The following PHACTR2 variants were observed in gnomAD, a reference collection of about 807,000 sequenced individuals.
PHACTR2 encodes chromosome 6 open reading frame 56.
PHACTR2 carries 30 observed loss-of-function variants against 76.0 expected under a neutral mutation model. The ratio of observed to expected loss-of-function variants is 0.39; its 90% confidence interval spans 0.30 to 0.54. The LOEUF is 0.54. Among genes scored for constraint, PHACTR2 ranks in the 20% least tolerant of loss-of-function variants. PHACTR2 has a pLI of 0.61. For missense variants in PHACTR2, 696 were observed against 781.1 expected (o/e 0.89, Z 1.30); for synonymous variants, 292 against 292.5 (o/e 1.00, Z 0.02).
intron 12 of PHACTR2, chr6:143,810,639 G>A (rs1269628571): frequency 1.2e-5 from 5 of 422,388 alleles, no homozygotes; most frequent in South Asian, 8.5e-5. Flanking sequence ...CTACCAGCCT[G>A]GTCAACATAG....
In PHACTR2 at chr6:143,772,222, C is replaced by G. The variant is rs971725307; in HGVS notation, c.1233-36C>G. 5 of 1,512,708 alleles carry G rather than the reference C, an allele frequency of 3.3e-6. No homozygotes were observed. In the South Asian group the frequency reaches 5.6e-5, roughly 17 times the overall value. The allele number at this position is 1,512,708 out of a possible 1,614,324, so 93.7% of individuals were successfully genotyped here. The stretch of plus-strand genomic sequence containing the variant: ...CAGTGCCGCCAAGGGTTGCTCTGAG[C>G]TTCACATCACTCCCATGCTTTTCTG... On this transcript the variant is annotated intron_variant, in intron 6 of 12. Coordinates refer to ENST00000440869, the MANE Select transcript of PHACTR2 (RefSeq NM_001100164.2). This position sits in a 1 kb window ranked among gnomAD's most constrained non-coding sequence, Gnocchi z 5.4.
At position 143,653,124 on chromosome 6, in the gene PHACTR2, T is replaced by G. The variant is rs1160373914; in HGVS notation, c.13+44802T>G. 1.3e-5 allele frequency among the ~76,000 whole-genome samples: 2 copies of G among 152,172 alleles called. No homozygotes were observed. Among genetic ancestry groups the G allele is most frequent in the Non-Finnish European group, 2.9e-5 (2 of 68,028 alleles). On this transcript the variant is annotated intron_variant, in intron 1 of 11. Coordinates refer to the PHACTR2 transcript ENST00000305766. This position sits in a 1 kb window ranked among gnomAD's most constrained non-coding sequence, Gnocchi z 4.9. The stretch of plus-strand genomic sequence containing the variant: ...TGTTCTGGATGCCTCTGTCCCCAGG[T>G]GTCTCAGAAGTAATCCTAATCATTG...
rs1279218686 is a variant in PHACTR2 at position 143,698,292 on chromosome 6, G to A, written c.47-13724G>A. 6.6e-6 allele frequency among the ~76,000 whole-genome samples: 1 copy of A among 152,118 alleles called. No individual in the cohort carries two copies. Among genetic ancestry groups the A allele is most frequent in the Non-Finnish European group, 1.5e-5 (1 of 68,040 alleles). Reference sequence around the variant, plus strand: ...GAAAGAAACCAAAATAGAACATCTCGCAAGTGGGGCATCCTCAATAACTAT... The same window carrying A: ...GAAAGAAACCAAAATAGAACATCTCACAAGTGGGGCATCCTCAATAACTAT... On this transcript the variant is annotated intron_variant, in intron 1 of 12. Transcript: ENST00000440869. This position sits in a 1 kb window ranked among gnomAD's most constrained non-coding sequence, Gnocchi z 4.3.
Position 143,585,004 on chromosome 6 carries a change from G to T in PHACTR2, c.217+47797G>T, listed in dbSNP as rs1775611977. Among the ~76,000 whole-genome samples, 2 of 150,722 alleles carry T rather than the reference G, an allele frequency of 1.3e-5. No individual in the cohort carries two copies. The highest frequency in any genetic ancestry group is 1.3e-4 in the Admixed American group (2 of 15,160). ...TTAAAAAAAAAAAAAAAAAGCTATA[G>T]GCTTGGCTGTCATACCTTCTATAGG... On this transcript the variant is annotated intron_variant, in intron 1 of 11. Coordinates refer to the PHACTR2 transcript ENST00000367584. The surrounding 1 kb of genome is among the most constrained non-coding windows in gnomAD (Gnocchi z 5.2).
intron 3 of PHACTR2, 113 bp downstream of exon 3, chr6:143,749,178 T>G (rs1213058737): frequency 1.6e-6 from 1 of 625,774 alleles, no homozygotes; most frequent in African/African-American, 1.9e-5. Context: ...AAAGCGGTGA[T>G]TACTGCATTC....
chr6:143,795,262 A>C lies in PHACTR2; in HGVS notation c.1845+6352A>C, dbSNP rs1340486694. 1.3e-5 allele frequency among the ~76,000 whole-genome samples: 2 copies of C among 152,066 alleles called. No individual in the cohort carries two copies. Among genetic ancestry groups the C allele is most frequent in the African/African-American group, 4.8e-5 (2 of 41,396 alleles). ...GACCCTCTCTCTACAAAAACTAAAA[A>C]AATTAGCCAGGTGTGGTGGCACACC... On this transcript the variant is annotated intron_variant, in intron 11 of 12. Transcript: ENST00000440869. The surrounding 1 kb of genome is among the most constrained non-coding windows in gnomAD (Gnocchi z 4.8).
rs1775045592 is a variant in PHACTR2 at position 143,548,867 on chromosome 6, TG to T, written c.217+11661del. On this transcript the variant is annotated intron_variant, in intron 1 of 11. Coordinates refer to the PHACTR2 transcript ENST00000367584. This position sits in a 1 kb window ranked among gnomAD's most constrained non-coding sequence, Gnocchi z 4.5. The stretch of plus-strand genomic sequence containing the variant: ...TAACATAACAAAGTGGATGTTTCAT[TG>T]CACCATAGGTGTTTTAGAGTTGTGG... Among the ~76,000 whole-genome samples, 1 of 151,930 alleles carries T rather than the reference TG, an allele frequency of 6.6e-6. No homozygotes were observed. The highest frequency in any genetic ancestry group is 1.5e-5 in the Non-Finnish European group (1 of 67,938).
intron 1 of PHACTR2, among the ~76,000 whole-genome samples, chr6:143,542,879 C>T (rs1298498696): frequency 6.6e-6 from 1 of 152,226 alleles, no homozygotes. Flanking sequence ...AGTTGTGGAG[C>T]ATGAAGTCAC....
In PHACTR2 at chr6:143,819,274, A is replaced by G. The variant is rs535920436; in HGVS notation, c.1923-4400A>G. Among the ~76,000 whole-genome samples, 5 of 152,288 alleles carry G rather than the reference A, an allele frequency of 3.3e-5. No homozygotes were observed. The South Asian group carries it at 1.0e-3, about 32-fold the overall frequency. ...TTATGTTCCAGTAGAGAAGCAAACT[A>G]TTACCAAGTCAACAATAAATACACA... On this transcript the variant is annotated intron_variant, in intron 12 of 12. Coordinates refer to ENST00000440869, the MANE Select transcript of PHACTR2 (RefSeq NM_001100164.2). This position sits in a 1 kb window ranked among gnomAD's most constrained non-coding sequence, Gnocchi z 5.0.
chr6:143,814,448 T>C (rs1465040505), intron 12 of PHACTR2, among the ~76,000 whole-genome samples: 1 of 152,108 alleles, frequency 6.6e-6, no homozygotes, highest in Non-Finnish European at 1.5e-5. Context: ...TCATGTTGAA[T>C]AGGCTGAGGA....
Position 143,777,295 on chromosome 6 carries a change from T to C in PHACTR2, c.1590-33T>C. 7.5e-7 allele frequency: 1 copy of C among 1,334,908 alleles called. No homozygotes were observed. The highest frequency in any genetic ancestry group is 1.1e-6 in the Non-Finnish European group (1 of 941,444). 82.7% of individuals were successfully genotyped at this position (1,334,908 alleles called of 1,614,324 possible). ...AGTCTCCTACTAGGGTACCTTGTTT[T>C]TAACCTGTAATATATCCTTTTTGTC... On this transcript the variant is annotated intron_variant, in intron 8 of 12. Coordinates refer to ENST00000440869, the MANE Select transcript of PHACTR2 (RefSeq NM_001100164.2). The surrounding 1 kb of genome is among the most constrained non-coding windows in gnomAD (Gnocchi z 4.6).
rs1451891674 is a variant in PHACTR2 at position 143,688,818 on chromosome 6, T to C, written c.46+10609T>C. On this transcript the variant is annotated intron_variant, in intron 1 of 12. Coordinates refer to ENST00000440869, the MANE Select transcript of PHACTR2 (RefSeq NM_001100164.2). The surrounding 1 kb of genome is among the most constrained non-coding windows in gnomAD (Gnocchi z 5.2). The stretch of plus-strand genomic sequence containing the variant: ...TGCTTCTGTTCCCACCCTTCTGCAA[T>C]TCATTTTCCACAGAACAGCTAAAGT... Among the ~76,000 whole-genome samples the C allele has an allele frequency of 2.0e-5, 3 of 152,222 alleles. No individual in the cohort carries two copies. Among genetic ancestry groups the C allele is most frequent in the Non-Finnish European group, 4.4e-5 (3 of 68,034 alleles).
At chr6:143,781,159 C>T (rs1382338001) in intron 9 of PHACTR2, among the ~76,000 whole-genome samples, 2 of 152,186 alleles carry the variant, frequency 1.3e-5, no homozygotes, top group African/African-American at 2.4e-5. Flanking sequence ...GTTGGCTTCC[C>T]TCTACCTCTC....
chr6:143,720,338 A>C (rs983710337), intron 2 of PHACTR2, among the ~76,000 whole-genome samples: 3 of 152,172 alleles, frequency 2.0e-5, no homozygotes, highest in Non-Finnish European at 4.4e-5. Context: ...AGAAAGTGAG[A>C]AGAGAAAATT....
Position 143,592,503 on chromosome 6 carries a change from C to A in PHACTR2, c.217+55296C>A, listed in dbSNP as rs1775702338. On this transcript the variant is annotated intron_variant, in intron 1 of 11. Coordinates refer to the PHACTR2 transcript ENST00000367584. The surrounding 1 kb of genome is among the most constrained non-coding windows in gnomAD (Gnocchi z 4.0). ...CCCAGTCACACTAGGACTTGTACTC[C>A]AGGGGGCGCTATTCACATCGACTAA... Among the ~76,000 whole-genome samples the A allele has an allele frequency of 6.6e-6, 1 of 152,094 alleles. No individual in the cohort carries two copies. Among genetic ancestry groups the A allele is most frequent in the Admixed American group, 6.5e-5 (1 of 15,270 alleles).
At chr6:143,686,392 AGGC>A (rs1337016856) in intron 1 of PHACTR2, among the ~76,000 whole-genome samples, 1 of 151,954 alleles carries the variant, frequency 6.6e-6, no homozygotes, top group African/African-American at 2.4e-5. Flanking sequence ...ACATGTGAAA[AGGC>A]AGGTTATGAA....
In PHACTR2 at chr6:143,610,336, CAATTT is replaced by C. The variant is rs1775956079; in HGVS notation, c.13+2022_13+2026del. On this transcript the variant is annotated intron_variant, in intron 1 of 11. Coordinates refer to the PHACTR2 transcript ENST00000305766. The surrounding 1 kb of genome is among the most constrained non-coding windows in gnomAD (Gnocchi z 4.9). Reference sequence around the variant, plus strand: ...ATAACTTGGAGCACTACAGTTTCTCCAATTTAATTTAAAGAAGATAATGATGTTGA... The same window carrying C: ...ATAACTTGGAGCACTACAGTTTCTCCAATTTAAAGAAGATAATGATGTTGA... Among the ~76,000 whole-genome samples, 1 of 151,824 alleles carries C rather than the reference CAATTT, an allele frequency of 6.6e-6. No homozygotes were observed. The highest frequency in any genetic ancestry group is 6.6e-5 in the Admixed American group (1 of 15,250).
In PHACTR2 at chr6:143,537,719, G is replaced by A. The variant is rs1429894354; in HGVS notation, c.217+512G>A. ...GCTGGTAAGAGGACCCGGGATATGAGTTTTTCCTCCTTGCAAAAACCCATG... is the reference window on the plus strand; with the variant it reads ...GCTGGTAAGAGGACCCGGGATATGAATTTTTCCTCCTTGCAAAAACCCATG... On this transcript the variant is annotated intron_variant, in intron 1 of 11. Transcript: ENST00000367584. The surrounding 1 kb of genome is among the most constrained non-coding windows in gnomAD (Gnocchi z 4.4). 1.3e-5 allele frequency among the ~76,000 whole-genome samples: 2 copies of A among 152,174 alleles called. No homozygotes were observed. Among genetic ancestry groups the A allele is most frequent in the Admixed American group, 6.5e-5 (1 of 15,290 alleles).
Position 143,829,559 on chromosome 6 carries a change from T to A in PHACTR2, c.*5870T>A, listed in dbSNP as rs557601299. ...TGGGTTGCATGCCTGTTGTTCATAC[T>A]TCAGTGATGGTCACACACAAAACAA... On this transcript the variant is annotated 3_prime_UTR_variant, in exon 13 of 13. Transcript: ENST00000440869. The A allele has an allele frequency of 6.6e-6, 1 of 152,236 alleles. No homozygotes were observed. Among genetic ancestry groups the A allele is most frequent in the South Asian group, 2.1e-4 (1 of 4,832 alleles). The allele number at this position is 152,236 out of a possible 1,614,324, so 9.4% of individuals were successfully genotyped here.
Sources: gnomAD v4.1 joint callset for allele counts (sites outside exome capture counted in the v4.1 genomes callset) on GRCh38, gnomAD v4.1.1 for gene constraint, Gnocchi (gnomAD v3.1) non-coding constraint, MANE v1.5 for transcripts, NCBI Gene and HGNC (gene_info 2026-07-23, HGNC 2026-07-21) for gene names.